SENP7: variants seen among roughly 807,000 people sequenced by gnomAD.
SENP7 encodes the protein SUMO specific peptidase 7, also known as sentrin-specific protease 7.
Under a neutral mutation model 141.2 loss-of-function variants are expected in SENP7, and 64 were observed. That is an observed-to-expected ratio of 0.45 (90% CI 0.37 to 0.56). The LOEUF (loss-of-function observed/expected upper bound fraction) is 0.56, where lower values mean the gene tolerates loss of function less well. Ranked by LOEUF, SENP7 falls within the 20% of genes least tolerant of loss-of-function variation. The probability of loss-of-function intolerance (pLI) is 0.00; values close to 1 mark genes in which losing one functional copy is unlikely to be tolerated. For missense variants in SENP7, 1,025 were observed against 1,212.2 expected, an observed-to-expected ratio of 0.85 and a Z score of 2.29; for synonymous variants, 382 against 426.4, an observed-to-expected ratio of 0.90 and a Z score of 1.28.
intron 5 of SENP7, among the ~76,000 whole-genome samples, chr3:101,416,551 A>G (rs2061628743): frequency 6.6e-6 from 1 of 152,232 alleles, no homozygotes; most frequent in Non-Finnish European, 1.5e-5. Flanking sequence ...AATGAGAGCA[A>G]GCTGCTTCAT....
chr3:101,375,347 A>G (rs2060292293), intron 6 of SENP7, among the ~76,000 whole-genome samples: 1 of 152,030 alleles, frequency 6.6e-6, no homozygotes, highest in Non-Finnish European at 1.5e-5. Context: ...GTTCAAGACC[A>G]GCCTTTCCAA....
chr3:101,481,335 G>C (rs1393091877), intron 3 of SENP7, among the ~76,000 whole-genome samples: 1 of 152,144 alleles, frequency 6.6e-6, no homozygotes, highest in Non-Finnish European at 1.5e-5. Flanking sequence ...GTCATGTACA[G>C]AAACATGGAC....
chr3:101,493,122 C>T (rs1421987714), intron 3 of SENP7, among the ~76,000 whole-genome samples: 1 of 152,178 alleles, frequency 6.6e-6, no homozygotes, highest in African/African-American at 2.4e-5. Flanking sequence ...CCATTATCCT[C>T]AGCAAACTAA....
chr3:101,476,852 T>C (rs2108005571), intron 3 of SENP7, among the ~76,000 whole-genome samples: 1 of 152,326 alleles, frequency 6.6e-6, no homozygotes, highest in Admixed American at 6.5e-5. Flanking sequence ...TAATGACCAG[T>C]GATGATGAGC....
chr3:101,483,396 CAG>C, intron 3 of SENP7, among the ~76,000 whole-genome samples: 2 of 152,120 alleles, frequency 1.3e-5, no homozygotes, highest in South Asian at 4.2e-4. Flanking sequence ...CATGAGCATC[CAG>C]TGTGGGAGCT....
chr3:101,494,752 T>C (rs1476708245), intron 2 of SENP7, among the ~76,000 whole-genome samples: 2 of 152,076 alleles, frequency 1.3e-5, no homozygotes, highest in African/African-American at 2.4e-5. Context: ...TATGCAAAAA[T>C]TGAAACTGTA....
chr3:101,467,754 T>C (rs977477019), intron 3 of SENP7, among the ~76,000 whole-genome samples: 6 of 152,096 alleles, frequency 3.9e-5, no homozygotes, highest in African/African-American at 1.4e-4. Context: ...GGGGAGAAAC[T>C]AGAGCAGAAA....
intron 3 of SENP7, among the ~76,000 whole-genome samples, chr3:101,482,444 G>C (rs2064532879): frequency 6.6e-6 from 1 of 152,104 alleles, no homozygotes; most frequent in Non-Finnish European, 1.5e-5. Flanking sequence ...AATATTCCAT[G>C]TTCATGGATA....
chr3:101,328,320 GA>G lies in SENP7; in HGVS notation c.2864+157del, dbSNP rs535181820. Among the ~76,000 whole-genome samples, 1,441 of 151,994 alleles carry G rather than the reference GA, an allele frequency of 9.5e-3. 26 individuals are homozygous for G. Among genetic ancestry groups the G allele is most frequent in the African/African-American group, 0.033 (1,387 of 41,504 alleles). ...AAATATTAATACTTGAATATTAACAGAATAGAAGATATTTATTATTGATTAA... is the reference window on the plus strand; with the variant it reads ...AAATATTAATACTTGAATATTAACAGATAGAAGATATTTATTATTGATTAA... On this transcript the variant is annotated intron_variant, in intron 22 of 23. Transcript: ENST00000394095.
intron 4 of SENP7, among the ~76,000 whole-genome samples, chr3:101,449,522 T>C (rs9757541): frequency 0.4 from 60,380 of 152,098 alleles, 12,508 homozygotes; most frequent in Admixed American, 0.54. Flanking sequence ...GCTGATCTCT[T>C]GGCAGAAACT....
chr3:101,500,604 T>C (rs1048863505), intron 2 of SENP7, among the ~76,000 whole-genome samples: 6 of 152,170 alleles, frequency 3.9e-5, no homozygotes, highest in African/African-American at 1.4e-4. Context: ...ACACTTCCTA[T>C]ATAGGTAGAA....
In SENP7 at chr3:101,483,452, T is replaced by C. The variant is rs191335751; in HGVS notation, c.186+10421A>G. ...GACATAAAGATGGCAAAAACAGACA[T>C]TGGGGACTACTAGTGGGGAATAAAG... On this transcript the variant is annotated intron_variant, in intron 3 of 23. Transcript: ENST00000394095. Among the ~76,000 whole-genome samples, 51 of 152,088 alleles carry C rather than the reference T, an allele frequency of 3.4e-4. 1 individual carries two copies. The highest frequency in any genetic ancestry group is 5.9e-4 in the Non-Finnish European group (40 of 67,986).
chr3:101,431,376 C>T (rs2107716432), intron 4 of SENP7, among the ~76,000 whole-genome samples: 1 of 152,024 alleles, frequency 6.6e-6, no homozygotes, highest in African/African-American at 2.4e-5. Flanking sequence ...GTAGTAGGTG[C>T]ATATATATTT....
At chr3:101,401,071 T>C (rs937946801) in intron 5 of SENP7, among the ~76,000 whole-genome samples, 1 of 147,320 alleles carries the variant, frequency 6.8e-6, no homozygotes, top group African/African-American at 2.5e-5. Flanking sequence ...TCTGTTTGCC[T>C]GGGAAAGAGA....
chr3:101,484,010 G>C (rs7629394), intron 3 of SENP7, among the ~76,000 whole-genome samples: 1 of 151,836 alleles, frequency 6.6e-6, no homozygotes, highest in Non-Finnish European at 1.5e-5. Flanking sequence ...CTGGGCAACA[G>C]AGCAAGACTC....
At chr3:101,498,852 C>A (rs2065260210) in intron 2 of SENP7, among the ~76,000 whole-genome samples, 1 of 152,132 alleles carries the variant, frequency 6.6e-6, no homozygotes, top group Admixed American at 6.5e-5. Context: ...TGCAAGGGAT[C>A]TAGGTTGCAT....
At chr3:101,410,991 A>G (rs1191518515) in intron 5 of SENP7, among the ~76,000 whole-genome samples, 1 of 152,232 alleles carries the variant, frequency 6.6e-6, no homozygotes. Flanking sequence ...AGTATGGCAC[A>G]GGAATTAACA....
intron 3 of SENP7, among the ~76,000 whole-genome samples, chr3:101,478,270 C>T (rs528766626): frequency 5.3e-5 from 8 of 152,168 alleles, no homozygotes; most frequent in South Asian, 4.2e-4. Flanking sequence ...GCAATCCCAG[C>T]GCTTTGAAAG....
At chr3:101,381,607 A>G (rs1293944442) in intron 6 of SENP7, among the ~76,000 whole-genome samples, 1 of 152,064 alleles carries the variant, frequency 6.6e-6, no homozygotes. Flanking sequence ...TAAATTACAT[A>G]TAGATAATAA....
Sources: allele counts gnomAD v4.1 joint callset (sites outside exome capture counted in the v4.1 genomes callset), GRCh38; gene constraint gnomAD v4.1.1; transcripts MANE v1.5; gene names NCBI Gene and HGNC (gene_info 2026-07-23, HGNC 2026-07-21).